The following CDK6 variants were observed in gnomAD, a reference collection of about 807,000 sequenced individuals.
The protein encoded by CDK6 is cyclin dependent kinase 6, also known as cyclin-dependent kinase 6.
Under a neutral mutation model 37.1 loss-of-function variants are expected in CDK6, and 6 were observed. The ratio of observed to expected loss-of-function variants is 0.16; its 90% CI spans 0.09 to 0.32. CDK6 has a LOEUF of 0.32. CDK6 is among the 10% of genes least tolerant of loss of function. The pLI, the probability that CDK6 is intolerant of heterozygous loss-of-function variation, is 1.00. For missense variants in CDK6, 224 were observed against 418.9 expected (o/e 0.53, Z 4.06); for synonymous variants, 160 against 161.3 (o/e 0.99, Z 0.06).
chr7:92,765,161 C>A (rs1371955330), intron 3 of CDK6, among the ~76,000 whole-genome samples: 2 of 152,064 alleles, frequency 1.3e-5, no homozygotes, highest in Non-Finnish European at 2.9e-5. Flanking sequence ...ACATGTATCA[C>A]TACAAAATTA....
chr7:92,716,303 C>T (rs1283826025), intron 4 of CDK6, among the ~76,000 whole-genome samples: 1 of 152,156 alleles, frequency 6.6e-6, no homozygotes, highest in African/African-American at 2.4e-5. Context: ...ATGTTATGTG[C>T]TTACCACTTT....
intron 4 of CDK6, among the ~76,000 whole-genome samples, chr7:92,724,367 AAC>A (rs1414333909): frequency 6.6e-6 from 1 of 152,206 alleles, no homozygotes; most frequent in East Asian, 1.9e-4. Context: ...TAACAATGGC[AAC>A]ATTTTCCAAG....
chr7:92,809,476 G>A (rs1317752683), intron 2 of CDK6, among the ~76,000 whole-genome samples: 2 of 152,152 alleles, frequency 1.3e-5, no homozygotes, highest in Non-Finnish European at 2.9e-5. Context: ...GGCCTTACTG[G>A]TCACTAAGCC....
At chr7:92,678,094 G>A (rs941342296) in intron 4 of CDK6, among the ~76,000 whole-genome samples, 5 of 152,180 alleles carry the variant, frequency 3.3e-5, no homozygotes, top group East Asian at 1.9e-4. Flanking sequence ...GTTTTAGCTC[G>A]TGAAAGTTCT....
Position 92,834,397 on chromosome 7 carries a change from C to T in CDK6, c.-367-707G>A, listed in dbSNP as rs1049035188. 1.3e-5 allele frequency among the ~76,000 whole-genome samples: 2 copies of T among 151,822 alleles called. No individual in the cohort carries two copies. The highest frequency in any genetic ancestry group is 4.8e-5 in the African/African-American group (2 of 41,334). On this transcript the variant is annotated intron_variant, in intron 1 of 7. Transcript: ENST00000424848. This position sits in a 1 kb window ranked among gnomAD's most constrained non-coding sequence, Gnocchi z 4.6. ...GAGTCTCGGTTGGAAACGGAATTCT[C>T]TCTCCGGCTGGGAGGACCTCCCTGG... is the stretch of plus-strand genomic sequence containing the variant.
chr7:92,718,201 A>G (rs1798277292), intron 4 of CDK6, among the ~76,000 whole-genome samples: 2 of 152,198 alleles, frequency 1.3e-5, no homozygotes, highest in Admixed American at 1.3e-4. Context: ...TGTTTTAACA[A>G]AACAGACCTG....
chr7:92,685,237 C>T (rs1275899079), intron 4 of CDK6, among the ~76,000 whole-genome samples: 1 of 152,152 alleles, frequency 6.6e-6, no homozygotes, highest in African/African-American at 2.4e-5. Context: ...CTAGGAAGAA[C>T]CACACTAATA....
intron 4 of CDK6, among the ~76,000 whole-genome samples, chr7:92,677,783 A>G (rs2116617253): frequency 6.6e-6 from 1 of 152,322 alleles, no homozygotes; most frequent in Non-Finnish European, 1.5e-5. Context: ...TTCAGTCCCT[A>G]CATTAAGTCA....
intron 2 of CDK6, among the ~76,000 whole-genome samples, chr7:92,800,784 A>G (rs1420754645): frequency 2.0e-5 from 3 of 152,194 alleles, no homozygotes; most frequent in African/African-American, 7.2e-5. Context: ...TATCCTTTGC[A>G]TCTCTGGGCC....
intron 2 of CDK6, among the ~76,000 whole-genome samples, chr7:92,811,639 C>T (rs1167340735): frequency 6.6e-6 from 1 of 151,896 alleles, no homozygotes; most frequent in Admixed American, 6.6e-5. Context: ...GCAACTACTA[C>T]CTGATATAAT....
At chr7:92,812,220 C>T (rs1253356678) in intron 2 of CDK6, among the ~76,000 whole-genome samples, 1 of 152,092 alleles carries the variant, frequency 6.6e-6, no homozygotes, top group Non-Finnish European at 1.5e-5. Context: ...CCTAATTTTA[C>T]AAATGAAGAC....
At chr7:92,647,952 T>A (rs1796487910) in intron 5 of CDK6, among the ~76,000 whole-genome samples, 1 of 152,202 alleles carries the variant, frequency 6.6e-6, no homozygotes, top group South Asian at 2.1e-4. Context: ...GATGATAGTG[T>A]CTCCCTCTAT....
At chr7:92,709,483 G>T (rs1798037690) in intron 4 of CDK6, among the ~76,000 whole-genome samples, 1 of 151,722 alleles carries the variant, frequency 6.6e-6, no homozygotes, top group South Asian at 2.1e-4. Context: ...ATTCACCAGG[G>T]TTTATCTGGC....
chr7:92,689,799 A>AT lies in CDK6; in HGVS notation c.538-18265dup, dbSNP rs370988907. Reference sequence around the variant, plus strand: ...CTCCACAACCTCACCAGCATCTGTTATTTTTGACTTTTTAATAATAGCAAT... The same window carrying AT: ...CTCCACAACCTCACCAGCATCTGTTATTTTTTGACTTTTTAATAATAGCAAT... On this transcript the variant is annotated intron_variant, in intron 4 of 7. Transcript: ENST00000424848. 7.4e-4 allele frequency among the ~76,000 whole-genome samples: 112 copies of AT among 152,164 alleles called. 1 individual carries two copies. Among genetic ancestry groups the AT allele is most frequent in the African/African-American group, 2.6e-3 (107 of 41,540 alleles).
intron 5 of CDK6, among the ~76,000 whole-genome samples, chr7:92,664,356 C>T (rs559224376): frequency 1.3e-5 from 2 of 152,188 alleles, no homozygotes; most frequent in South Asian, 2.1e-4. Flanking sequence ...CCCTGGTGTT[C>T]AGGTCAGCTT....
At chr7:92,617,588 A>G (rs1403474396) in intron 7 of CDK6, among the ~76,000 whole-genome samples, 1 of 152,160 alleles carries the variant, frequency 6.6e-6, no homozygotes, top group East Asian at 1.9e-4. Flanking sequence ...GAGGTATTTT[A>G]TATGTCCCTG....
intron 4 of CDK6, among the ~76,000 whole-genome samples, chr7:92,724,195 TAC>T (rs1303079499): frequency 3.3e-5 from 5 of 152,138 alleles, no homozygotes; most frequent in Non-Finnish European, 7.4e-5. Flanking sequence ...ACTGGGGAAA[TAC>T]ACAGACTCAG....
intron 3 of CDK6, among the ~76,000 whole-genome samples, chr7:92,754,901 G>A (rs1799274972): frequency 6.6e-6 from 1 of 152,158 alleles, no homozygotes; most frequent in Non-Finnish European, 1.5e-5. Context: ...TTGAGCTGAG[G>A]AGGAGTTTAT....
chr7:92,806,659 G>A (rs569248584), intron 2 of CDK6, among the ~76,000 whole-genome samples: 6 of 152,108 alleles, frequency 3.9e-5, no homozygotes, highest in African/African-American at 9.7e-5. Flanking sequence ...ACAGGATATC[G>A]TGTATATTAA....
Sources: gnomAD v4.1 joint callset for allele counts (sites outside exome capture counted in the v4.1 genomes callset) on GRCh38, gnomAD v4.1.1 for gene constraint, Gnocchi (gnomAD v3.1) non-coding constraint, MANE v1.5 for transcripts, NCBI Gene and HGNC (gene_info 2026-07-23, HGNC 2026-07-21) for gene names.